ZFYVE19: variants seen among roughly 807,000 people sequenced by gnomAD.
The protein encoded by ZFYVE19 is zinc finger FYVE-type containing 19.
A neutral mutation model predicts 62.8 loss-of-function variants in ZFYVE19; 49 were observed. That is an observed-to-expected ratio of 0.78 (90% CI 0.62 to 0.99). ZFYVE19 has a LOEUF of 0.99. Ranked by LOEUF, ZFYVE19 falls within the 50% of genes least tolerant of loss-of-function variation. The probability of loss-of-function intolerance (pLI) is 0.00; values close to 1 mark genes in which losing one functional copy is unlikely to be tolerated. For missense variants in ZFYVE19, 630 were observed against 601.9 expected, an observed-to-expected ratio of 1.05 and a Z score of -0.49; for synonymous variants, 242 against 234.3, an observed-to-expected ratio of 1.03 and a Z score of -0.30.
Position 40,814,963 on chromosome 15 carries a change from C to A in ZFYVE19, c.*737C>A, listed in dbSNP as rs531395472. 1 of 153,310 alleles carries A rather than the reference C, an allele frequency of 6.5e-6. No individual in the cohort carries two copies. Among genetic ancestry groups the A allele is most frequent in the Admixed American group, 6.5e-5 (1 of 15,384 alleles). The allele number at this position is 153,310 out of a possible 1,614,324, so 9.5% of individuals were successfully genotyped here. A position where few individuals can be genotyped will look rare whatever the true frequency, so the allele number is the denominator to read the frequency against. On this transcript the variant is annotated 3_prime_UTR_variant, in exon 11 of 11. Coordinates refer to ENST00000355341, the MANE Select transcript of ZFYVE19 (RefSeq NM_001077268.2). ...TCTCAGTATCTCTCTTCCAGTAATGCGCCCTAACCGGACCCCTGACCTCTC... is the reference window on the plus strand; with the variant it reads ...TCTCAGTATCTCTCTTCCAGTAATGAGCCCTAACCGGACCCCTGACCTCTC...
chr15:40,808,241 T>C, intron 1 of ZFYVE19: 1 of 1,596,082 alleles, frequency 6.3e-7, no homozygotes. Flanking sequence ...TCTGAAATCT[T>C]CCCCATCCCG....
At chr15:40,810,871 A>G (rs1178202894) in intron 6 of ZFYVE19, 114 bp downstream of exon 6, 3 of 1,359,348 alleles carry the variant, frequency 2.2e-6, no homozygotes, top group East Asian at 2.6e-5. Flanking sequence ...GATCAACGTT[A>G]TAAGAGTTAC....
At chr15:40,808,264 C>G in intron 1 of ZFYVE19, 1 of 1,597,266 alleles carries the variant, frequency 6.3e-7, no homozygotes, top group Non-Finnish European at 8.5e-7. Flanking sequence ...GCCTGCCCTT[C>G]TCCAGGTCGC....
intron 3 of ZFYVE19, 130 bp downstream of exon 3, chr15:40,809,588 G>T: frequency 8.2e-7 from 1 of 1,216,600 alleles, no homozygotes; most frequent in South Asian, 1.4e-5. Flanking sequence ...TCTGGCTCCT[G>T]ACTGCCCTCT....
chr15:40,807,503 A>C lies in ZFYVE19; in HGVS notation c.-87A>C. 2 of 1,610,724 alleles carry C rather than the reference A, an allele frequency of 1.2e-6. No homozygotes were observed. Among genetic ancestry groups the C allele is most frequent in the South Asian group, 1.1e-5 (1 of 90,940 alleles). ...CCCAAGAGTCTAAGCGCGCGTGAGGACTGCAGGCTCCGAGCGGCGCCTAGC... is the reference window on the plus strand; with the variant it reads ...CCCAAGAGTCTAAGCGCGCGTGAGGCCTGCAGGCTCCGAGCGGCGCCTAGC... On this transcript the variant is annotated 5_prime_UTR_variant, in exon 1 of 11. Coordinates refer to ENST00000355341, the MANE Select transcript of ZFYVE19 (RefSeq NM_001077268.2).
At chr15:40,813,482 C>T in intron 8 of ZFYVE19, 65 bp downstream of exon 8, 1 of 1,476,474 alleles carries the variant, frequency 6.8e-7, no homozygotes, top group Non-Finnish European at 9.3e-7. Flanking sequence ...CACCTCTACT[C>T]TGGGGCTGGG....
chr15:40,813,400 C>T lies in ZFYVE19; in HGVS notation c.1093C>T (p.Gln365Ter). Residue 365 changes from glutamine (Q) to a stop codon, truncating the protein, a stop_gained, in exon 8 of 11, where the codon CAA becomes TAA. Coordinates refer to ENST00000355341, the MANE Select transcript of ZFYVE19 (RefSeq NM_001077268.2). LOFTEE classifies it high-confidence loss of function. Reference protein sequence around the residue: ...DDDEDEETAIQRVLQQLTEEA... With the variant: ...DDDEDEETAI ...CGACGAGGATGAGGAGACAGCCATC[C>T]AAAGAGTCCTGCAGCAGGTGGGCCT... The T allele has an allele frequency of 6.2e-7, 1 of 1,608,700 alleles. No homozygotes were observed. Among genetic ancestry groups the T allele is most frequent in the Non-Finnish European group, 8.5e-7 (1 of 1,177,538 alleles).
At chr15:40,811,022 C>A in intron 6 of ZFYVE19, 1 of 410,594 alleles carries the variant, frequency 2.4e-6, no homozygotes, top group Non-Finnish European at 4.5e-6. Context: ...CTAAGTCTCA[C>A]TTTCCTCATG....
Position 40,807,786 on chromosome 15 carries a change from C to T in ZFYVE19, c.197C>T (p.Ser66Phe). The part of the protein sequence containing the change: ...GPGLGRRDLS[S>F]ADPAVLGATM... ...GGACTTGGCCGGCGTGATCTCAGCT[C>T]TGCAGACCCTGCGGTGCTGGGAGCC... Residue 66 changes from serine (S) to phenylalanine (F), a missense_variant, in exon 1 of 11, where the codon TCT becomes TTT. Ser to Phe is a radical substitution (Grantham distance 155). Coordinates refer to ENST00000355341, the MANE Select transcript of ZFYVE19 (RefSeq NM_001077268.2). The T allele has an allele frequency of 6.4e-7, 1 of 1,571,346 alleles. No individual in the cohort carries two copies. The highest frequency in any genetic ancestry group is 8.6e-7 in the Non-Finnish European group (1 of 1,163,870).
At chr15:40,810,501 C>A in intron 5 of ZFYVE19, 148 bp from the exon 6 acceptor site, 1 of 1,441,222 alleles carries the variant, frequency 6.9e-7, no homozygotes, top group Non-Finnish European at 9.2e-7. Context: ...CCCCTCAGTC[C>A]TGTTGGGGAC....
At chr15:40,808,129 C>CTTTTTAATTTTTTTTTTTTT in intron 1 of ZFYVE19, 1 of 1,468,696 alleles carries the variant, frequency 6.8e-7, no homozygotes, top group Non-Finnish European at 9.3e-7. Context: ...TGCAAAGCTA[C>CTTTTTAATTTTTTTTTTTTT]TCTTTTCTGT....
At chr15:40,809,500 G>GAGC (rs758193471) in intron 3 of ZFYVE19, 42 bp downstream of exon 3, 1 of 1,608,556 alleles carries the variant, frequency 6.2e-7, no homozygotes, top group African/African-American at 1.3e-5. Context: ...TTGGGGAAAG[G>GAGC]ATAAGGGAGC....
intron 7 of ZFYVE19, 140 bp from the exon 8 acceptor site, chr15:40,813,198 G>C (rs1010183783): frequency 1.3e-6 from 1 of 784,068 alleles, no homozygotes; most frequent in Non-Finnish European, 2.1e-6. Context: ...AGGTCATCAG[G>C]GTGGCTGAAG....
chr15:40,814,081 G>T lies in ZFYVE19; in HGVS notation c.1337+11G>T. The T allele has an allele frequency of 6.2e-7, 1 of 1,614,188 alleles. No homozygotes were observed. The highest frequency in any genetic ancestry group is 8.5e-7 in the Non-Finnish European group (1 of 1,180,030). On this transcript the variant is annotated intron_variant, in intron 10 of 10. Coordinates refer to ENST00000355341, the MANE Select transcript of ZFYVE19 (RefSeq NM_001077268.2). Reference sequence around the variant, plus strand: ...TGCCCGCTGCTTCCGGTGGGTGCAGGTGGAATGTTCTGTGCGAGAGCTCAA... The same window carrying T: ...TGCCCGCTGCTTCCGGTGGGTGCAGTTGGAATGTTCTGTGCGAGAGCTCAA...
chr15:40,809,853 C>A lies in ZFYVE19; in HGVS notation c.454C>A (p.Arg152Ser). Residue 152 changes from arginine to serine, a missense_variant and splice_region_variant, in exon 4 of 11, where the codon CGT (arginine) becomes AGT (serine). By Grantham distance (110) the Arg-to-Ser change is moderately radical (BLOSUM62 -1). Transcript: ENST00000355341. ...AGCCTCTATCTCATATCCTGCCAGG[C>A]GTGTGGCAGCCTTGGAAGCCAAGCA... is the stretch of plus-strand genomic sequence containing the variant. The part of the protein sequence containing the change: ...KWSPPQNYKK[R>S]VAALEAKQKP... 1 of 1,614,102 alleles carries A rather than the reference C, an allele frequency of 6.2e-7. No individual in the cohort carries two copies. Among genetic ancestry groups the A allele is most frequent in the Non-Finnish European group, 8.5e-7 (1 of 1,179,958 alleles).
chr15:40,810,138 C>T lies in ZFYVE19; in HGVS notation c.639C>T (p.Ser213=). The change falls in exon 5 of 11, where the codon TCC becomes TCT. Residue 213 remains serine (S), a synonymous_variant. Transcript: ENST00000355341. ...LAALKDERQG[S]IPSTQEMEAR... ...CCCTAAAGGATGAACGTCAGGGTTC[C>T]ATCCCTTCCACCCAGGAAATGGAGG... 1 of 1,614,150 alleles carries T rather than the reference C, an allele frequency of 6.2e-7. No individual in the cohort carries two copies. Among genetic ancestry groups the T allele is most frequent in the African/African-American group, 1.3e-5 (1 of 75,022 alleles).
Position 40,813,348 on chromosome 15 carries a change from G to A in ZFYVE19, c.1041G>A (p.Gln347=), listed in dbSNP as rs1294936690. ...RGQDPERVTL[Q]DYRLPDSDDD... is the part of the protein sequence containing the mutation. Reference sequence around the variant, plus strand: ...GTCTCCCTCTTCAAGTGACCCTCCAGGACTATCGCCTCCCAGACAGTGATG... The same window carrying A: ...GTCTCCCTCTTCAAGTGACCCTCCAAGACTATCGCCTCCCAGACAGTGATG... Residue 347 remains glutamine (Q), a synonymous_variant, in exon 8 of 11, where the codon CAG becomes CAA. Coordinates refer to ENST00000355341, the MANE Select transcript of ZFYVE19 (RefSeq NM_001077268.2). 1.9e-6 allele frequency: 3 copies of A among 1,613,404 alleles called. No homozygotes were observed. In the South Asian group the frequency reaches 3.3e-5, roughly 18 times the overall value.
chr15:40,812,895 C>A lies in ZFYVE19; in HGVS notation c.1023C>A (p.Pro341=). The A allele has an allele frequency of 6.2e-7, 1 of 1,610,700 alleles. No individual in the cohort carries two copies. Among genetic ancestry groups the A allele is most frequent in the African/African-American group, 1.3e-5 (1 of 75,032 alleles). ...TAGCCATGCTGCGGGGACAGGACCCCGAGAGAGGTGAAGGCTGGGGAGCAG... is the reference window on the plus strand; with the variant it reads ...TAGCCATGCTGCGGGGACAGGACCCAGAGAGAGGTGAAGGCTGGGGAGCAG... ...KRLAMLRGQD[P]ERVTLQDYRL... Residue 341 remains proline, a synonymous_variant, in exon 7 of 11, where the codon CCC becomes CCA. Coordinates refer to ENST00000355341, the MANE Select transcript of ZFYVE19 (RefSeq NM_001077268.2).
chr15:40,813,263 C>T, intron 7 of ZFYVE19, 75 bp from the exon 8 acceptor site: 1 of 1,437,626 alleles, frequency 7.0e-7, no homozygotes, highest in Non-Finnish European at 9.6e-7. Flanking sequence ...TTCTGGGAGG[C>T]AGGAGGGCAG....
Sources: gnomAD v4.1 joint callset for allele counts on GRCh38, gnomAD v4.1.1 for gene constraint, MANE v1.5 for transcripts, NCBI Gene and HGNC (gene_info 2026-07-23, HGNC 2026-07-21) for gene names.